Variants in SGCG observed in about 807,000 individuals in gnomAD.
SGCG encodes the protein gamma-sarcoglycan.
In SGCG, 26 loss-of-function variants were observed where a neutral mutation model predicts 29.3. The ratio of observed to expected loss-of-function variants is 0.89; its 90% CI spans 0.65 to 1.23. The LOEUF (loss-of-function observed/expected upper bound fraction) is 1.23. SGCG is among the 50% of genes most tolerant of loss of function. The probability of loss-of-function intolerance (pLI) is 0.00; values close to 1 mark genes in which losing one functional copy is unlikely to be tolerated. For synonymous variants in SGCG, 145 were observed against 129.7 expected (o/e 1.12, Z -0.80); for missense variants, 353 against 356.0 (o/e 0.99, Z 0.07).
chr13:23,261,466 A>T (rs572571938), intron 4 of SGCG, among the ~76,000 whole-genome samples: 248 of 152,232 alleles, frequency 1.6e-3, no homozygotes, highest in African/African-American at 5.7e-3. Flanking sequence ...ATAAAGAAAA[A>T]CAAATTTAAA....
At chr13:23,310,976 A>G (rs917838543) in intron 6 of SGCG, among the ~76,000 whole-genome samples, 4 of 152,106 alleles carry the variant, frequency 2.6e-5, no homozygotes, top group African/African-American at 9.7e-5. Flanking sequence ...TTACCAGCAC[A>G]TTTTGTAATG....
intron 1 of SGCG, among the ~76,000 whole-genome samples, chr13:23,189,166 A>G (rs1048807216): frequency 1.3e-5 from 2 of 152,112 alleles, no homozygotes; most frequent in African/African-American, 4.8e-5. Context: ...TTCCACTTAC[A>G]TATTTGTTGA....
At chr13:23,260,926 C>T (rs992161339) in intron 4 of SGCG, among the ~76,000 whole-genome samples, 20 of 152,112 alleles carry the variant, frequency 1.3e-4, no homozygotes, top group African/African-American at 4.8e-4. Context: ...TATGGGATTC[C>T]CTTTGTGGAT....
At chr13:23,322,781 C>CCCCCCCCCCCCCA (rs1883098314) in intron 7 of SGCG, among the ~76,000 whole-genome samples, 1 of 83,010 alleles carries the variant, frequency 1.2e-5, no homozygotes, top group Non-Finnish European at 2.6e-5. Flanking sequence ...TCCCCCCCCC[C>CCCCCCCCCCCCCA]CCCCCCCCGC....
chr13:23,291,874 G>C (rs1458808574), intron 5 of SGCG, among the ~76,000 whole-genome samples: 1 of 152,074 alleles, frequency 6.6e-6, no homozygotes, highest in East Asian at 1.9e-4. Flanking sequence ...TAAATCGAGG[G>C]GCTGGGGAAA....
chr13:23,308,497 TG>T (rs1426132298), intron 6 of SGCG, among the ~76,000 whole-genome samples: 1 of 152,216 alleles, frequency 6.6e-6, no homozygotes, highest in Non-Finnish European at 1.5e-5. Flanking sequence ...ATCTGGTACC[TG>T]CTAGGGCAAG....
At chr13:23,166,468 A>C in the SGCG span, among the ~76,000 whole-genome samples, 1 of 152,200 alleles carries the variant, frequency 6.6e-6, no homozygotes, top group African/African-American at 2.4e-5. Flanking sequence ...TGCTGGGATT[A>C]CAGGCCTGAG....
intron 1 of SGCG, among the ~76,000 whole-genome samples, chr13:23,188,414 C>T (rs1483238159): frequency 6.7e-6 from 1 of 149,554 alleles, no homozygotes. Flanking sequence ...CAATCTCCAC[C>T]TCCCAGGTTC....
intron 3 of SGCG, chr13:23,245,757 C>T (rs2137560664): frequency 6.6e-6 from 1 of 152,320 alleles, no homozygotes; most frequent in Admixed American, 6.5e-5. Flanking sequence ...AAACTCTCCA[C>T]CTTTAAATTT....
At chr13:23,185,913 C>T (rs1165207509) in intron 1 of SGCG, among the ~76,000 whole-genome samples, 1 of 152,208 alleles carries the variant, frequency 6.6e-6, no homozygotes, top group Non-Finnish European at 1.5e-5. Flanking sequence ...GTCCACCCCT[C>T]GCATCACTCA....
intron 4 of SGCG, among the ~76,000 whole-genome samples, chr13:23,271,177 A>G (rs563716436): frequency 6.6e-6 from 1 of 152,194 alleles, no homozygotes; most frequent in South Asian, 2.1e-4. Flanking sequence ...ACGCCACTAC[A>G]CTCCAACCTG....
intron 2 of SGCG, among the ~76,000 whole-genome samples, chr13:23,225,882 A>C (rs1464523454): frequency 6.6e-6 from 1 of 151,818 alleles, no homozygotes; most frequent in Non-Finnish European, 1.5e-5. Context: ...GACAAATTTC[A>C]ATTTCTGTTC....
At chr13:23,203,283 A>G (rs116678954) in intron 1 of SGCG, among the ~76,000 whole-genome samples, 214 of 152,272 alleles carry the variant, frequency 1.4e-3, no homozygotes, top group African/African-American at 4.8e-3. Flanking sequence ...AAATTTACAC[A>G]TACCAGTTTG....
rs575634855 is a variant in SGCG, at chr13:23,293,424, G to A, written c.506-1991G>A. ...TCTTGGATAAGGGCTTTTTTCCAGCGTGGGTTTTTATCATATCTTCATATT... is the reference window on the plus strand; with the variant it reads ...TCTTGGATAAGGGCTTTTTTCCAGCATGGGTTTTTATCATATCTTCATATT... On this transcript the variant is annotated intron_variant, in intron 5 of 7. Transcript: ENST00000218867. Among the ~76,000 whole-genome samples, 8 of 152,214 alleles carry A rather than the reference G, an allele frequency of 5.3e-5. No individual in the cohort carries two copies. In the South Asian group the frequency reaches 1.2e-3, roughly 24 times the overall value.
At chr13:23,225,780 T>TACACACACACAC (rs60718653) in intron 2 of SGCG, among the ~76,000 whole-genome samples, 10,002 of 148,542 alleles carry the variant, frequency 0.067, 366 homozygotes, top group South Asian at 0.11. Context: ...GGACATGTCA[T>TACACACACACAC]ACACACACAC....
chr13:23,307,162 A>T (rs567824686), intron 6 of SGCG, among the ~76,000 whole-genome samples: 1 of 152,340 alleles, frequency 6.6e-6, no homozygotes, highest in Admixed American at 6.5e-5. Context: ...GGTATTAAGG[A>T]CAAACTGAAC....
upstream of SGCG, among the ~76,000 whole-genome samples, chr13:23,177,519 T>A (rs1876595977): frequency 6.6e-6 from 1 of 151,644 alleles, no homozygotes; most frequent in Non-Finnish European, 1.5e-5. Context: ...AATTAATATG[T>A]GTCCGTTTTT....
At chr13:23,201,656 A>C (rs1392280296) in intron 1 of SGCG, among the ~76,000 whole-genome samples, 1 of 152,204 alleles carries the variant, frequency 6.6e-6, no homozygotes, top group Non-Finnish European at 1.5e-5. Flanking sequence ...CACAACTATA[A>C]GATAAAATTG....
Position 23,207,166 on chromosome 13 carries a change from CAT to C in SGCG, c.195+3278_195+3279del, listed in dbSNP as rs141703493. Reference sequence around the variant, plus strand: ...TAGAGATCCCAGAAAAAAATCCATGCATGTGTGATCAACTGGTCTTTGACAAG... The same window carrying C: ...TAGAGATCCCAGAAAAAAATCCATGCGTGTGATCAACTGGTCTTTGACAAG... On this transcript the variant is annotated intron_variant, in intron 2 of 7. Transcript: ENST00000218867. Among the ~76,000 whole-genome samples, 1,395 of 152,244 alleles carry C rather than the reference CAT, an allele frequency of 9.2e-3. 27 individuals are homozygous for C. The highest frequency in any genetic ancestry group is 0.032 in the African/African-American group (1,329 of 41,556).
Sources: allele counts gnomAD v4.1 joint callset (sites outside exome capture counted in the v4.1 genomes callset), GRCh38; gene constraint gnomAD v4.1.1; transcripts MANE v1.5; gene names NCBI Gene and HGNC (gene_info 2026-07-23, HGNC 2026-07-21).